SMOC1: variants seen among roughly 807,000 people sequenced by gnomAD.
SMOC1 encodes SPARC related modular calcium binding 1.
In SMOC1, 22 loss-of-function variants were observed where a neutral mutation model predicts 56.3. The observed-to-expected ratio is 0.39, with a 90% CI of 0.28 to 0.56. The LOEUF (loss-of-function observed/expected upper bound fraction) is 0.56. Ranked by LOEUF, SMOC1 falls within the 20% of genes least tolerant of loss-of-function variation. SMOC1 has a pLI of 0.61. For synonymous variants in SMOC1, 193 were observed against 215.0 expected (o/e 0.90, Z 0.89); for missense variants, 509 against 565.4 (o/e 0.90, Z 1.01).
intron 1 of SMOC1, among the ~76,000 whole-genome samples, chr14:69,912,222 A>T (rs1884572452): frequency 6.6e-6 from 1 of 152,188 alleles, no homozygotes. Flanking sequence ...CTGTTAACAG[A>T]TGCTCAACCA....
At chr14:69,909,468 G>A (rs1241948318) in intron 1 of SMOC1, among the ~76,000 whole-genome samples, 1 of 151,994 alleles carries the variant, frequency 6.6e-6, no homozygotes, top group African/African-American at 2.4e-5. Context: ...GCTGACCTCC[G>A]AAGTTCCCAC....
chr14:69,952,925 T>G (rs1883055553), intron 2 of SMOC1, among the ~76,000 whole-genome samples: 1 of 152,178 alleles, frequency 6.6e-6, no homozygotes, highest in Non-Finnish European at 1.5e-5. Context: ...TCCGGCTGGT[T>G]TCTCTAATTT....
At chr14:69,893,187 A>G (rs1455455986) in intron 1 of SMOC1, among the ~76,000 whole-genome samples, 2 of 152,216 alleles carry the variant, frequency 1.3e-5, no homozygotes, top group Non-Finnish European at 2.9e-5. Context: ...ATTTTTAAGT[A>G]TATTTCATGG....
At chr14:69,988,578 C>T (rs546974446) in intron 5 of SMOC1, among the ~76,000 whole-genome samples, 4 of 152,140 alleles carry the variant, frequency 2.6e-5, no homozygotes, top group African/African-American at 7.2e-5. Flanking sequence ...GTTTACATAC[C>T]GTAAAATTCA....
chr14:69,991,509 A>G (rs1884567017), intron 5 of SMOC1, among the ~76,000 whole-genome samples: 1 of 152,186 alleles, frequency 6.6e-6, no homozygotes, highest in African/African-American at 2.4e-5. Context: ...AAATACTGCT[A>G]TAAGCTAAGG....
intron 7 of SMOC1, among the ~76,000 whole-genome samples, chr14:70,000,808 G>A (rs1884940217): frequency 6.6e-6 from 1 of 152,184 alleles, no homozygotes; most frequent in African/African-American, 2.4e-5. Context: ...TGGTTGGTTT[G>A]TAATTTTCCC....
At chr14:70,009,468 G>A (rs1355112264) in intron 7 of SMOC1, among the ~76,000 whole-genome samples, 1 of 152,210 alleles carries the variant, frequency 6.6e-6, no homozygotes, top group African/African-American at 2.4e-5. Context: ...TTAAAGTGGA[G>A]TTGAGTGCTG....
chr14:69,998,721 G>A (rs954996140), intron 7 of SMOC1, among the ~76,000 whole-genome samples: 11 of 152,142 alleles, frequency 7.2e-5, no homozygotes, highest in Non-Finnish European at 1.2e-4. Context: ...ACTTCTCTGT[G>A]CAGCAAAGTA....
At position 69,933,964 on chromosome 14, in the gene SMOC1, G is replaced by A. The variant is rs969243273; in HGVS notation, c.100-18174G>A. On this transcript the variant is annotated intron_variant, in intron 1 of 11. Transcript: ENST00000361956. The stretch of plus-strand genomic sequence containing the variant: ...TTTAGTCAATAATAGAAGTATTAAT[G>A]TAGTAACATCTAAGATTTTTCAAAC... 1.6e-4 allele frequency among the ~76,000 whole-genome samples: 25 copies of A among 152,312 alleles called. 2 individuals carry two copies. Among genetic ancestry groups the A allele is most frequent in the Admixed American group, 1.4e-3 (22 of 15,308 alleles).
At chr14:69,976,092 G>T (rs555586347) in intron 4 of SMOC1, among the ~76,000 whole-genome samples, 2 of 152,184 alleles carry the variant, frequency 1.3e-5, no homozygotes, top group Non-Finnish European at 2.9e-5. Flanking sequence ...AGCTGTGGTG[G>T]CATATGAGTT....
intron 3 of SMOC1, among the ~76,000 whole-genome samples, chr14:69,960,933 G>A (rs1393616106): frequency 6.6e-6 from 1 of 151,998 alleles, no homozygotes; most frequent in Non-Finnish European, 1.5e-5. Context: ...CATCATAAAA[G>A]TTACCATTTT....
chr14:69,897,275 T>C (rs1884124987), intron 1 of SMOC1, among the ~76,000 whole-genome samples: 1 of 152,196 alleles, frequency 6.6e-6, no homozygotes, highest in Admixed American at 6.5e-5. Context: ...CAATAACTCC[T>C]TGCTGTTAGC....
At chr14:69,917,843 A>G (rs781761100) in intron 1 of SMOC1, among the ~76,000 whole-genome samples, 6 of 152,160 alleles carry the variant, frequency 3.9e-5, no homozygotes, top group Non-Finnish European at 8.8e-5. Flanking sequence ...TTCTAGTCAC[A>G]TAGTGGACAC....
At chr14:69,882,749 T>C (rs1043866352) in intron 1 of SMOC1, among the ~76,000 whole-genome samples, 4 of 152,214 alleles carry the variant, frequency 2.6e-5, no homozygotes, top group Admixed American at 1.3e-4. Flanking sequence ...CCCTTGAAGA[T>C]GGAAAGCTGG....
At chr14:70,005,964 T>C (rs986087932) in intron 7 of SMOC1, among the ~76,000 whole-genome samples, 1 of 152,354 alleles carries the variant, frequency 6.6e-6, no homozygotes, top group Admixed American at 6.5e-5. Flanking sequence ...GAATAGTGTG[T>C]GTTCACTTCT....
intron 5 of SMOC1, among the ~76,000 whole-genome samples, chr14:69,985,155 C>T (rs1367421079): frequency 6.6e-6 from 1 of 152,112 alleles, no homozygotes; most frequent in Non-Finnish European, 1.5e-5. Context: ...GGCTCAGCAT[C>T]ATTAGCCACA....
At chr14:69,933,755 T>C (rs1473744749) in intron 1 of SMOC1, among the ~76,000 whole-genome samples, 1 of 152,208 alleles carries the variant, frequency 6.6e-6, no homozygotes, top group Non-Finnish European at 1.5e-5. Context: ...TGACCTCAAG[T>C]GATCTGCCTG....
intron 1 of SMOC1, among the ~76,000 whole-genome samples, chr14:69,932,058 C>T (rs80036932): frequency 0.095 from 14,486 of 152,278 alleles, 755 homozygotes; most frequent in South Asian, 0.15. Context: ...TTTGCCATCC[C>T]GTTCCTCAGA....
chr14:69,953,328 G>A, intron 2 of SMOC1, 92 bp from the exon 3 acceptor site: 8 of 1,186,550 alleles, frequency 6.7e-6, no homozygotes, highest in Non-Finnish European at 1.0e-5. Context: ...GTGGGCTCCC[G>A]CACAGGTGGA....
Sources: allele counts gnomAD v4.1 joint callset (sites outside exome capture counted in the v4.1 genomes callset), GRCh38; gene constraint gnomAD v4.1.1; transcripts MANE v1.5; gene names NCBI Gene and HGNC (gene_info 2026-07-23, HGNC 2026-07-21).